AFF3: variants seen among roughly 807,000 people sequenced by gnomAD.
AFF3 encodes the protein AF4/FMR2 family member 3.
Under a neutral mutation model 129.7 loss-of-function variants are expected in AFF3, and 32 were observed. The observed-to-expected ratio is 0.25, with a 90% confidence interval of 0.19 to 0.33. The LOEUF is 0.33. AFF3 is among the 10% of genes least tolerant of loss of function. The pLI is 1.00. For synonymous variants in AFF3, 644 were observed against 635.4 expected, an observed-to-expected ratio of 1.01 and a Z score of -0.20; for missense variants, 1,373 against 1,592.0, an observed-to-expected ratio of 0.86 and a Z score of 2.34.
rs1490755313 is a variant in AFF3 at position 99,636,702 on chromosome 2, G to A, written c.1184+12924C>T. 2.0e-5 allele frequency among the ~76,000 whole-genome samples: 3 copies of A among 152,322 alleles called. No homozygotes were observed. In the East Asian group the frequency reaches 5.8e-4, roughly 29 times the overall value. On this transcript the variant is annotated intron_variant, in intron 13 of 24. Coordinates refer to ENST00000672756, the MANE Select transcript of AFF3 (RefSeq NM_001386135.1). ...GCTGCATTCTGAGGGCCAGCAAGAGGACACGACGTGGCAGTGGGCCAGCCA... is the reference window on the plus strand; with the variant it reads ...GCTGCATTCTGAGGGCCAGCAAGAGAACACGACGTGGCAGTGGGCCAGCCA...
intron 7 of AFF3, among the ~76,000 whole-genome samples, chr2:99,996,954 G>A (rs1680900051): frequency 6.6e-6 from 1 of 151,946 alleles, no homozygotes; most frequent in Non-Finnish European, 1.5e-5. Context: ...GTGGCTTCCC[G>A]AAGCTATACT....
intron 10 of AFF3, among the ~76,000 whole-genome samples, chr2:99,739,894 G>A (rs1009073219): frequency 6.6e-6 from 1 of 151,588 alleles, no homozygotes; most frequent in African/African-American, 2.4e-5. Context: ...CATGTGCCAT[G>A]CTGGTGTGCT....
chr2:100,074,719 T>C (rs148803037), intron 4 of AFF3, among the ~76,000 whole-genome samples: 3 of 152,250 alleles, frequency 2.0e-5, no homozygotes, highest in African/African-American at 7.2e-5. Flanking sequence ...GTGCTTTCAA[T>C]TGCATCCAAG....
chr2:100,105,693 C>T lies in AFF3; in HGVS notation c.-144-110G>A, dbSNP rs566074692. The T allele has an allele frequency of 3.0e-6, 4 of 1,354,806 alleles. No individual in the cohort carries two copies. In the African/African-American group the frequency reaches 4.4e-5, roughly 15 times the overall value. 83.9% of individuals were successfully genotyped at this position (1,354,806 alleles called of 1,614,324 possible). A position where few individuals can be genotyped will look rare whatever the true frequency, so the allele number is the denominator to read the frequency against. Reference sequence around the variant, plus strand: ...TTACTTTTTTAGACATGCTGAGAAGCGCATGTCTCCATCAGGGCCCTACCT... The same window carrying T: ...TTACTTTTTTAGACATGCTGAGAAGTGCATGTCTCCATCAGGGCCCTACCT... On this transcript the variant is annotated intron_variant, in intron 2 of 24. Coordinates refer to ENST00000672756, the MANE Select transcript of AFF3 (RefSeq NM_001386135.1).
chr2:100,058,831 A>C (rs1041939527), intron 4 of AFF3, among the ~76,000 whole-genome samples: 2 of 152,248 alleles, frequency 1.3e-5, no homozygotes, highest in Admixed American at 6.5e-5. Flanking sequence ...ATTATCAAGA[A>C]ATTGAAAAGA....
chr2:99,765,653 T>C (rs1437852900), intron 8 of AFF3, among the ~76,000 whole-genome samples: 1 of 152,232 alleles, frequency 6.6e-6, no homozygotes, highest in Non-Finnish European at 1.5e-5. Context: ...TCATAAAAAA[T>C]AATTATTGCT....
At chr2:99,622,047 T>C (rs1682073781) in intron 13 of AFF3, among the ~76,000 whole-genome samples, 1 of 152,062 alleles carries the variant, frequency 6.6e-6, no homozygotes, top group African/African-American at 2.4e-5. Flanking sequence ...TCCTATAGGG[T>C]GTGAAGCTGA....
intron 4 of AFF3, among the ~76,000 whole-genome samples, chr2:100,089,076 G>A (rs1380182966): frequency 9.9e-5 from 15 of 152,026 alleles, no homozygotes; most frequent in Admixed American, 7.2e-4. Flanking sequence ...TAAAAGTCAC[G>A]AGGTATAAAG....
At chr2:99,898,105 G>GA (rs1402022970) in intron 7 of AFF3, among the ~76,000 whole-genome samples, 1 of 152,188 alleles carries the variant, frequency 6.6e-6, no homozygotes, top group Non-Finnish European at 1.5e-5. Flanking sequence ...GAGAACCACA[G>GA]AAAAAATGTG....
chr2:99,839,338 G>A (rs950594980), intron 7 of AFF3, among the ~76,000 whole-genome samples: 1 of 152,078 alleles, frequency 6.6e-6, no homozygotes, highest in East Asian at 1.9e-4. Context: ...TCAAACTCCT[G>A]ACTTCAGGTG....
chr2:100,036,540 G>A (rs1684924573), intron 4 of AFF3, among the ~76,000 whole-genome samples: 1 of 151,446 alleles, frequency 6.6e-6, no homozygotes. Context: ...AGAAAGAAAG[G>A]CAGGGGCTGG....
chr2:100,025,457 T>C (rs1683959759), intron 4 of AFF3, among the ~76,000 whole-genome samples: 1 of 152,098 alleles, frequency 6.6e-6, no homozygotes, highest in Non-Finnish European at 1.5e-5. Context: ...TCAATATTGT[T>C]AAAATGACCA....
At position 99,685,955 on chromosome 2, in the gene AFF3, G is replaced by T. The variant is rs180742560; in HGVS notation, c.1092-13366C>A. On this transcript the variant is annotated intron_variant, in intron 11 of 24. Transcript: ENST00000672756. ...TAATCCCAGTAGGCTGTGGGAGGCG[G>T]AGGCGGGCGGATCATGAGGTCAGGA... is the stretch of plus-strand genomic sequence containing the variant. 5.1e-3 allele frequency among the ~76,000 whole-genome samples: 780 copies of T among 152,160 alleles called. 22 individuals carry two copies. The highest frequency in any genetic ancestry group is 0.046 in the Admixed American group (700 of 15,276).
intron 8 of AFF3, among the ~76,000 whole-genome samples, chr2:99,768,417 T>C (rs1347672219): frequency 6.6e-6 from 1 of 152,210 alleles, no homozygotes; most frequent in Non-Finnish European, 1.5e-5. Flanking sequence ...TTTGGTGATA[T>C]ACTCTTTTTC....
chr2:99,638,813 T>C (rs898181227), intron 13 of AFF3, among the ~76,000 whole-genome samples: 10 of 152,336 alleles, frequency 6.6e-5, no homozygotes, highest in Non-Finnish European at 1.5e-4. Flanking sequence ...TAACATCAAA[T>C]TGGCCAAGGG....
intron 7 of AFF3, among the ~76,000 whole-genome samples, chr2:99,921,338 A>T (rs754142044): frequency 3.3e-5 from 5 of 152,140 alleles, no homozygotes; most frequent in Non-Finnish European, 7.4e-5. Context: ...ATAAAAGACA[A>T]GGGAAGACTG....
At chr2:100,007,703 G>C (rs1370901222) in intron 5 of AFF3, 4 of 499,920 alleles carry the variant, frequency 8.0e-6, no homozygotes, top group African/African-American at 7.7e-5. Flanking sequence ...GGGCGCGGTG[G>C]CTGGCTCATG....
chr2:100,025,602 G>A (rs187461201), intron 4 of AFF3, among the ~76,000 whole-genome samples: 2 of 152,246 alleles, frequency 1.3e-5, no homozygotes, highest in East Asian at 3.9e-4. Flanking sequence ...GCAAGACTAA[G>A]TAAAAAGAAC....
intron 11 of AFF3, among the ~76,000 whole-genome samples, chr2:99,675,982 T>C (rs933242802): frequency 5.9e-5 from 8 of 136,488 alleles, no homozygotes; most frequent in Non-Finnish European, 1.6e-5. Flanking sequence ...GATCTCCTAC[T>C]GTTTTTTTTT....
Sources: allele counts gnomAD v4.1 joint callset (sites outside exome capture counted in the v4.1 genomes callset), GRCh38; gene constraint gnomAD v4.1.1; transcripts MANE v1.5; gene names NCBI Gene and HGNC (gene_info 2026-07-23, HGNC 2026-07-21).